Variants in MRTFB observed in about 807,000 individuals in gnomAD.
MRTFB encodes the protein myocardin related transcription factor B, also known as myocardin-related transcription factor B.
MRTFB carries 29 observed loss-of-function variants against 104.2 expected under a neutral mutation model. The ratio of observed to expected loss-of-function variants is 0.28; its 90% confidence interval spans 0.21 to 0.38. The LOEUF is 0.38. Ranked by LOEUF, MRTFB falls within the 10% of genes least tolerant of loss-of-function variation. MRTFB has a pLI of 1.00. For missense variants in MRTFB, 1,270 were observed against 1,341.6 expected (o/e 0.95, Z 0.83); for synonymous variants, 535 against 519.5 (o/e 1.03, Z -0.41).
At chr16:14,183,104 C>T (rs1348912332) in intron 3 of MRTFB, among the ~76,000 whole-genome samples, 1 of 152,048 alleles carries the variant, frequency 6.6e-6, no homozygotes, top group Non-Finnish European at 1.5e-5. Context: ...GAAATCTGGC[C>T]AGTACCAAGG....
Position 14,251,890 on chromosome 16 carries a change from C to G in MRTFB, c.2432C>G (p.Thr811Arg). The part of the protein sequence containing the change: ...KVFTNSASSN[T>R]VLPYQRHPAP... ...TTCACAAACTCAGCATCATCAAATA[C>G]AGTTCTTCCATATCAGAGACATCCT... The change falls in exon 14 of 17, where the codon ACA becomes AGA. Residue 811 changes from threonine (T) to arginine (R), a missense_variant. This residue lies in a region of MRTFB where 1,144 missense variants were observed against 1,131.5 expected (regional missense o/e 1.01). Coordinates refer to ENST00000571589, the MANE Select transcript of MRTFB (RefSeq NM_001308142.2). 6.2e-7 allele frequency: 1 copy of G among 1,614,144 alleles called. No individual in the cohort carries two copies. Among genetic ancestry groups the G allele is most frequent in the Admixed American group, 1.7e-5 (1 of 60,028 alleles).
At chr16:14,062,619 G>A in the MRTFB span, among the ~76,000 whole-genome samples, 1 of 152,308 alleles carries the variant, frequency 6.6e-6, no homozygotes, top group Middle Eastern at 3.4e-3. Flanking sequence ...TGGCCTGTAA[G>A]GGGTCGACGT....
the MRTFB span, among the ~76,000 whole-genome samples, chr16:14,003,656 C>G: frequency 2.3e-3 from 170 of 73,264 alleles, no homozygotes; most frequent in Admixed American, 6.7e-3. Flanking sequence ...CTCCCTCCCT[C>G]CCTCCCTCCC....
At chr16:14,063,105 G>A in the MRTFB span, among the ~76,000 whole-genome samples, 1 of 152,168 alleles carries the variant, frequency 6.6e-6, no homozygotes, top group African/African-American at 2.4e-5. Flanking sequence ...ATACAACGCT[G>A]TCTCCTACAT....
At chr16:14,009,067 A>G in the MRTFB span, among the ~76,000 whole-genome samples, 4 of 151,796 alleles carry the variant, frequency 2.6e-5, no homozygotes, top group Admixed American at 2.6e-4. Flanking sequence ...TCCCACCTCA[A>G]CCTCCTGAGT....
At chr16:14,081,756 A>AT (rs1467356364) in intron 2 of MRTFB, among the ~76,000 whole-genome samples, 5 of 148,638 alleles carry the variant, frequency 3.4e-5, no homozygotes, top group Non-Finnish European at 5.9e-5. Context: ...AATTTTTTGT[A>AT]TTTTTTGTGT....
chr16:14,029,528 CACAT>C, the MRTFB span, among the ~76,000 whole-genome samples: 5 of 127,402 alleles, frequency 3.9e-5, no homozygotes, highest in Non-Finnish European at 7.1e-5. Flanking sequence ...CACACACACA[CACAT>C]ATATATATAT....
the MRTFB span, among the ~76,000 whole-genome samples, chr16:13,998,100 G>A: frequency 2.0e-5 from 3 of 152,214 alleles, no homozygotes; most frequent in Non-Finnish European, 4.4e-5. Flanking sequence ...AAGCCTCTGA[G>A]GCGTGCAGCA....
At chr16:14,112,465 C>T (rs2036322521) in intron 2 of MRTFB, among the ~76,000 whole-genome samples, 1 of 152,156 alleles carries the variant, frequency 6.6e-6, no homozygotes, top group African/African-American at 2.4e-5. Context: ...TGAGCTGGCT[C>T]GCCTCCAAGC....
At chr16:14,216,290 C>CCTTCTACTG (rs1354962243) in intron 6 of MRTFB, among the ~76,000 whole-genome samples, 4 of 152,164 alleles carry the variant, frequency 2.6e-5, no homozygotes, top group Admixed American at 2.6e-4. Context: ...CATTGAAAGA[C>CCTTCTACTG]CTTCTACTGT....
intron 15 of MRTFB, among the ~76,000 whole-genome samples, chr16:14,254,088 G>A (rs949521251): frequency 2.6e-5 from 4 of 152,126 alleles, no homozygotes; most frequent in Non-Finnish European, 5.9e-5. Flanking sequence ...GGAATCTCTG[G>A]TATTTACATG....
At chr16:14,168,973 T>A (rs1329721511) in intron 3 of MRTFB, among the ~76,000 whole-genome samples, 2 of 152,236 alleles carry the variant, frequency 1.3e-5, no homozygotes, top group Non-Finnish European at 2.9e-5. Flanking sequence ...CTTTTTAATG[T>A]GCTTATGAGC....
intron 3 of MRTFB, among the ~76,000 whole-genome samples, chr16:14,160,321 C>T (rs2038984306): frequency 6.6e-6 from 1 of 152,066 alleles, no homozygotes; most frequent in South Asian, 2.1e-4. Flanking sequence ...CAGATCAGTC[C>T]TAGTGATCAG....
At chr16:14,181,848 C>T (rs549712947) in intron 3 of MRTFB, among the ~76,000 whole-genome samples, 1 of 152,138 alleles carries the variant, frequency 6.6e-6, no homozygotes, top group Non-Finnish European at 1.5e-5. Context: ...TGGATTGTTC[C>T]TAGTCTCTAA....
upstream of MRTFB, chr16:14,071,202 G>T: frequency 6.5e-6 from 1 of 153,496 alleles, no homozygotes; most frequent in South Asian, 1.8e-4. Context: ...AGAGAGGCCG[G>T]GCTTGACCCT....
At chr16:14,188,272 C>G (rs12935408) in intron 3 of MRTFB, among the ~76,000 whole-genome samples, 1 of 152,132 alleles carries the variant, frequency 6.6e-6, no homozygotes. Context: ...TTGAAGGGAA[C>G]TTAAATTTCT....
chr16:14,152,807 G>C (rs922599484), intron 3 of MRTFB: 1 of 152,088 alleles, frequency 6.6e-6, no homozygotes, highest in Non-Finnish European at 1.5e-5. Context: ...TTCCTTCTTC[G>C]TGTGTTTCTT....
intron 2 of MRTFB, among the ~76,000 whole-genome samples, chr16:14,136,541 T>A (rs969713977): frequency 6.6e-6 from 1 of 151,456 alleles, no homozygotes; most frequent in African/African-American, 2.4e-5. Flanking sequence ...CCATCAGGGA[T>A]TTTTTTTTAA....
At chr16:14,160,375 A>T (rs1234824835) in intron 3 of MRTFB, among the ~76,000 whole-genome samples, 3 of 152,206 alleles carry the variant, frequency 2.0e-5, no homozygotes, top group Non-Finnish European at 4.4e-5. Context: ...TAGGTGATGG[A>T]TCCTCATGGA....
Sources: gnomAD v4.1 joint callset for allele counts (sites outside exome capture counted in the v4.1 genomes callset) on GRCh38, gnomAD v4.1.1 for gene constraint, gnomAD v4.1.1 regional missense constraint, MANE v1.5 for transcripts, NCBI Gene and HGNC (gene_info 2026-07-23, HGNC 2026-07-21) for gene names.